Variants in GRM7 observed in about 807,000 individuals in gnomAD.
The protein encoded by GRM7 is glutamate metabotropic receptor 7.
GRM7 carries 35 observed loss-of-function variants against 84.5 expected under a neutral mutation model. The observed-to-expected ratio is 0.41, with a 90% CI of 0.32 to 0.55. The LOEUF (loss-of-function observed/expected upper bound fraction) is 0.55, where lower values mean the gene tolerates loss of function less well. Ranked by LOEUF, GRM7 falls within the 20% of genes least tolerant of loss-of-function variation. The probability of loss-of-function intolerance (pLI) is 0.19; values close to 1 mark genes in which losing one functional copy is unlikely to be tolerated. For missense variants in GRM7, 1,003 were observed against 1,194.6 expected, an observed-to-expected ratio of 0.84 and a Z score of 2.36; for synonymous variants, 487 against 455.1, an observed-to-expected ratio of 1.07 and a Z score of -0.89.
intron 9 of GRM7, among the ~76,000 whole-genome samples, chr3:7,720,543 C>G (rs1650736881): frequency 6.6e-6 from 1 of 152,164 alleles, no homozygotes. Flanking sequence ...TAAAAGGGGG[C>G]TCCTCAGTCT....
chr3:7,684,901 T>C (rs1036325868), intron 9 of GRM7, among the ~76,000 whole-genome samples: 11 of 152,294 alleles, frequency 7.2e-5, no homozygotes, highest in African/African-American at 2.6e-4. Flanking sequence ...TTGCTAAAAG[T>C]GTAAAAGAAC....
intron 7 of GRM7, among the ~76,000 whole-genome samples, chr3:7,536,203 A>G (rs928092695): frequency 1.3e-5 from 2 of 152,162 alleles, no homozygotes; most frequent in African/African-American, 4.8e-5. Flanking sequence ...GGGTTTCCGA[A>G]TAAGTTTGAG....
chr3:6,927,482 AAAGAAAG>A (rs1353513742), intron 1 of GRM7, among the ~76,000 whole-genome samples: 1 of 104,900 alleles, frequency 9.5e-6, no homozygotes, highest in African/African-American at 3.2e-5. Flanking sequence ...AGAAAGAAAG[AAAGAAAG>A]AAAGAAAGAA....
At chr3:7,371,498 G>A (rs1694132183) in intron 4 of GRM7, among the ~76,000 whole-genome samples, 2 of 152,102 alleles carry the variant, frequency 1.3e-5, no homozygotes, top group African/African-American at 4.8e-5. Flanking sequence ...ACAAAATGGA[G>A]GTTGGTTAAT....
intron 1 of GRM7, among the ~76,000 whole-genome samples, chr3:6,998,370 G>T (rs1694899059): frequency 6.6e-6 from 1 of 152,152 alleles, no homozygotes; most frequent in African/African-American, 2.4e-5. Flanking sequence ...CTGTGGCTTG[G>T]CAGGGTACAG....
intron 8 of GRM7, among the ~76,000 whole-genome samples, chr3:7,589,262 G>T (rs1354510217): frequency 6.6e-6 from 1 of 152,208 alleles, no homozygotes; most frequent in Non-Finnish European, 1.5e-5. Flanking sequence ...AGTACCTTGT[G>T]CATTATGTTT....
chr3:6,942,273 G>T (rs964793354), intron 1 of GRM7, among the ~76,000 whole-genome samples: 1 of 151,772 alleles, frequency 6.6e-6, no homozygotes, highest in African/African-American at 2.4e-5. Flanking sequence ...ATATCTAAAG[G>T]GCTTATTTTT....
At chr3:6,939,007 C>A (rs1433859715) in intron 1 of GRM7, among the ~76,000 whole-genome samples, 1 of 152,198 alleles carries the variant, frequency 6.6e-6, no homozygotes, top group Non-Finnish European at 1.5e-5. Context: ...CGATCTCTTG[C>A]TTAAATGTAT....
chr3:6,968,538 T>C (rs964011564), intron 1 of GRM7, among the ~76,000 whole-genome samples: 1 of 152,244 alleles, frequency 6.6e-6, no homozygotes, highest in Non-Finnish European at 1.5e-5. Context: ...AGTGGGATCA[T>C]TTACTTAAAA....
rs1209938099 is a variant in GRM7 at position 7,093,676 on chromosome 3, C to CAAAAAAAA, written c.520-52745_520-52738dup. On this transcript the variant is annotated intron_variant, in intron 1 of 9. Transcript: ENST00000357716. ...TGGGCGATAGAGCAAGACTCTGTCTCAAAAAAAAAAAAAAAAAAAAAAAAA... is the reference window on the plus strand; with the variant it reads ...TGGGCGATAGAGCAAGACTCTGTCTCAAAAAAAAAAAAAAAAAAAAAAAAAAAAAAAAA... Among the ~76,000 whole-genome samples, 13 of 13,956 alleles carry CAAAAAAAA rather than the reference C, an allele frequency of 9.3e-4. 3 individuals carry two copies. Among genetic ancestry groups the CAAAAAAAA allele is most frequent in the East Asian group, 3.3e-3 (1 of 306 alleles). The allele number at this position is 13,956 out of a possible 152,430, so 9.2% of individuals were successfully genotyped here.
At chr3:7,403,329 A>T (rs712770) in intron 4 of GRM7, 28,080 of 175,570 alleles carry the variant, frequency 0.16, 2,477 homozygotes, top group East Asian at 0.36. Flanking sequence ...AGACATTTCT[A>T]AAAAAATTAT....
intron 7 of GRM7, among the ~76,000 whole-genome samples, chr3:7,547,991 A>C (rs1417370959): frequency 6.6e-6 from 1 of 152,230 alleles, no homozygotes; most frequent in African/African-American, 2.4e-5. Context: ...AGTGGTGGCC[A>C]TGAATGGGGA....
intron 2 of GRM7, among the ~76,000 whole-genome samples, chr3:7,223,763 T>G (rs1238348815): frequency 6.6e-6 from 1 of 152,152 alleles, no homozygotes; most frequent in Non-Finnish European, 1.5e-5. Context: ...GAGAGCCGAA[T>G]AATAGAAATA....
intron 2 of GRM7, among the ~76,000 whole-genome samples, chr3:7,234,925 T>A (rs1373252490): frequency 6.6e-6 from 1 of 152,220 alleles, no homozygotes; most frequent in Non-Finnish European, 1.5e-5. Context: ...CTTTGACCCA[T>A]TTTACAACAG....
chr3:7,057,734 T>G (rs1471022208), intron 1 of GRM7, among the ~76,000 whole-genome samples: 1 of 151,934 alleles, frequency 6.6e-6, no homozygotes, highest in Non-Finnish European at 1.5e-5. Flanking sequence ...GGAGGCTCAA[T>G]GTTTTAGGAT....
chr3:6,867,684 A>G (rs542370303), intron 1 of GRM7, among the ~76,000 whole-genome samples: 80 of 152,272 alleles, frequency 5.3e-4, no homozygotes, highest in African/African-American at 1.7e-3. Flanking sequence ...CAACCACTAA[A>G]ATGCATATAT....
chr3:7,658,741 A>G (rs1400413674), intron 8 of GRM7, among the ~76,000 whole-genome samples: 3 of 152,206 alleles, frequency 2.0e-5, no homozygotes, highest in Non-Finnish European at 4.4e-5. Flanking sequence ...TCAAACACCA[A>G]ATAAAATGAA....
intron 1 of GRM7, among the ~76,000 whole-genome samples, chr3:6,897,601 G>C (rs770957166): frequency 6.6e-6 from 1 of 152,212 alleles, no homozygotes; most frequent in Non-Finnish European, 1.5e-5. Flanking sequence ...CTGAAACACA[G>C]TACGTGTTCA....
At chr3:6,944,297 T>C (rs12487323) in intron 1 of GRM7, among the ~76,000 whole-genome samples, 11,053 of 152,212 alleles carry the variant, frequency 0.073, 556 homozygotes, top group Non-Finnish European at 0.11. Context: ...ACTAAGTATG[T>C]TGTTAACCGT....
Sources: allele counts gnomAD v4.1 joint callset (sites outside exome capture counted in the v4.1 genomes callset), GRCh38; gene constraint gnomAD v4.1.1; transcripts MANE v1.5; gene names NCBI Gene and HGNC (gene_info 2026-07-23, HGNC 2026-07-21).